OPLAH: variants seen among roughly 807,000 people sequenced by gnomAD.
OPLAH encodes 5-oxoprolinase, ATP-hydrolysing, also known as 5-oxoprolinase.
In OPLAH, 103 loss-of-function variants were observed where a neutral mutation model predicts 122.8. The ratio of observed to expected loss-of-function variants is 0.84; its 90% CI spans 0.71 to 0.99. OPLAH has a LOEUF of 0.99. Ranked by LOEUF, OPLAH falls within the 50% of genes least tolerant of loss-of-function variation. The pLI is 0.00. For synonymous variants in OPLAH, 875 were observed against 796.0 expected (o/e 1.10, Z -1.67); for missense variants, 1,902 against 1,836.5 (o/e 1.04, Z -0.65).
intron 3 of OPLAH, 47 bp downstream of exon 3, chr8:144,059,552 G>A (rs782733621): frequency 6.5e-7 from 1 of 1,543,010 alleles, no homozygotes; most frequent in East Asian, 2.3e-5. Flanking sequence ...GGCATCCCTG[G>A]GGGGTGTACA....
In OPLAH at chr8:144,058,623, G is replaced by T; in HGVS notation, c.656C>A (p.Ser219Tyr). ...RELGFTHVSL[S>Y]SEAMPMVRIV... ...GCGCACCATGGGCATGGCCTCCGAG[G>T]ACAGTGACACGTGCGTGAAGCCCAG... Residue 219 changes from serine (S) to tyrosine (Y), a missense_variant, in exon 6 of 27, where the codon TCC becomes TAC. Physicochemically the swap from Ser to Tyr is moderately radical, Grantham distance 144. Around this residue, in one of 3 missense-constraint regions of OPLAH, gnomAD observed 1,726 missense variants for 1,642.1 expected, o/e 1.05. Coordinates refer to ENST00000618853, the MANE Select transcript of OPLAH (RefSeq NM_017570.5). 6.2e-7 allele frequency: 1 copy of T among 1,603,382 alleles called. No individual in the cohort carries two copies.
At chr8:144,063,779 G>A (rs1309811723), upstream of OPLAH, 8 of 152,488 alleles carry the variant, frequency 5.2e-5, no homozygotes, top group African/African-American at 1.9e-4. This position sits in a 1 kb window ranked among gnomAD's most constrained non-coding sequence, Gnocchi z 4.2. Context: ...GGAACCCGGA[G>A]CTGCAGAAGC....
chr8:144,056,229 G>A lies in OPLAH; in HGVS notation c.2014C>T (p.Gln672Ter). 6.2e-7 allele frequency: 1 copy of A among 1,611,956 alleles called. No homozygotes were observed. Among genetic ancestry groups the A allele is most frequent in the Non-Finnish European group, 8.5e-7 (1 of 1,179,226 alleles). The change falls in exon 15 of 27, where the codon CAG becomes TAG. Residue 672 changes from glutamine (Q) to a stop codon, truncating the protein, a stop_gained. Transcript: ENST00000618853. LOFTEE classifies it high-confidence loss of function. The part of the protein sequence containing the change: ...MTQCYFEGGY[Q>*]ETPVYLLAEL... Reference sequence around the variant, plus strand: ...GCCAGCAGGTACACAGGGGTCTCCTGGTAGCCCCCCTCAAAGTAGCACTGG... The same window carrying A: ...GCCAGCAGGTACACAGGGGTCTCCTAGTAGCCCCCCTCAAAGTAGCACTGG...
At position 144,059,803 on chromosome 8, in the gene OPLAH, T is replaced by G; in HGVS notation, c.172-13A>C. ...GCATGCCGGCCTCCTGGGGACCACG[T>G]GGTCAGTGTGGGGCTTCTGGCCGTG... On this transcript the variant is annotated splice_polypyrimidine_tract_variant and intron_variant, in intron 2 of 26. Transcript: ENST00000618853. The G allele has an allele frequency of 6.2e-7, 1 of 1,609,206 alleles. No homozygotes were observed. The highest frequency in any genetic ancestry group is 1.1e-5 in the South Asian group (1 of 90,984).
chr8:144,053,314 G>A lies in OPLAH; in HGVS notation c.2766C>T (p.Asp922=), dbSNP rs781960043. Residue 922 remains aspartate (D), a synonymous_variant, in exon 20 of 27, where the codon GAC becomes GAT. Coordinates refer to ENST00000618853, the MANE Select transcript of OPLAH (RefSeq NM_017570.5). ...GGTTGGCTGCCACCTGGGCACGGAGGTCCGACAGGTTGTCGTGCAGGTTTC... is the reference window on the plus strand; with the variant it reads ...GGTTGGCTGCCACCTGGGCACGGAGATCCGACAGGTTGTCGTGCAGGTTTC... The part of the protein sequence containing the change: ...GTRNLHDNLS[D]LRAQVAANQK... 1 of 1,612,986 alleles carries A rather than the reference G, an allele frequency of 6.2e-7. No homozygotes were observed. Among genetic ancestry groups the A allele is most frequent in the South Asian group, 1.1e-5 (1 of 91,090 alleles).
downstream of OPLAH, chr8:144,050,478 C>G: frequency 8.1e-6 from 8 of 985,588 alleles, no homozygotes; most frequent in South Asian, 4.7e-5. Flanking sequence ...GAGAGGAGGG[C>G]GAGGAGGGGC....
Position 144,058,262 on chromosome 8 carries a change from G to A in OPLAH, c.926C>T (p.Pro309Leu), listed in dbSNP as rs781795792. The stretch of plus-strand genomic sequence containing the variant: ...ACCTCCCATGTCAAAGCCGATGACA[G>A]GCTGGCCACCCTCCTGCTGGTAGGT... ...ATTYQQEGGQ[P>L]VIGFDMGGTS... The change falls in exon 7 of 27, where the codon CCT (proline) becomes CTT (leucine). Residue 309 changes from proline to leucine, a missense_variant. Pro to Leu is a moderately conservative substitution (Grantham distance 98, BLOSUM62 -3). Coordinates refer to ENST00000618853, the MANE Select transcript of OPLAH (RefSeq NM_017570.5). 6.2e-7 allele frequency: 1 copy of A among 1,610,670 alleles called. No individual in the cohort carries two copies. The highest frequency in any genetic ancestry group is 1.1e-5 in the South Asian group (1 of 91,008).
Position 144,053,068 on chromosome 8 carries a change from C to CG in OPLAH, c.2932dup (p.Arg978ProfsTer35). On this transcript the variant is annotated frameshift_variant, in exon 21 of 27. Coordinates refer to ENST00000618853, the MANE Select transcript of OPLAH (RefSeq NM_017570.5). LOFTEE classifies it high-confidence loss of function. ...CGAGGACACCTCCAGGGGCAGGCCCCGGGCCTGCCGGGAGGTTCCAAAGGC... is the reference window on the plus strand; with the variant it reads ...CGAGGACACCTCCAGGGGCAGGCCCCGGGGCCTGCCGGGAGGTTCCAAAGGC... 1 of 1,600,676 alleles carries CG rather than the reference C, an allele frequency of 6.2e-7. No individual in the cohort carries two copies.
At chr8:144,054,952 G>A in intron 17 of OPLAH, 39 bp from the exon 18 acceptor site, 1 of 1,281,122 alleles carries the variant, frequency 7.8e-7, no homozygotes, top group Non-Finnish European at 1.0e-6. Context: ...GCACAGGGGA[G>A]CAGGGGCCAG....
At position 144,051,912 on chromosome 8, in the gene OPLAH, G is replaced by T; in HGVS notation, c.3622+4C>A. The T allele has an allele frequency of 1.3e-6, 2 of 1,531,554 alleles. No homozygotes were observed. Among genetic ancestry groups the T allele is most frequent in the South Asian group, 2.4e-5 (2 of 83,918 alleles). The allele number at this position is 1,531,554 out of a possible 1,614,324, so 94.9% of individuals were successfully genotyped here. Reference sequence around the variant, plus strand: ...AGGGCCGCGAGGGCTGGGGAACCGCGCACCGTGGAGCCCGTATGGCCGGAA... The same window carrying T: ...AGGGCCGCGAGGGCTGGGGAACCGCTCACCGTGGAGCCCGTATGGCCGGAA... On this transcript the variant is annotated splice_donor_region_variant and intron_variant, in intron 25 of 26. Coordinates refer to ENST00000618853, the MANE Select transcript of OPLAH (RefSeq NM_017570.5).
At position 144,051,944 on chromosome 8, in the gene OPLAH, G is replaced by C. The variant is rs1381104181; in HGVS notation, c.3594C>G (p.Arg1198=). The C allele has an allele frequency of 1.3e-6, 2 of 1,548,120 alleles. No homozygotes were observed. The highest frequency in any genetic ancestry group is 2.7e-5 in the African/African-American group (2 of 73,508). Residue 1198 remains arginine, a synonymous_variant, in exon 25 of 27, where the codon CGC becomes CGG. Transcript: ENST00000618853. ...EEALLSVLTE[R]RAFRPYGLHG... is the part of the protein sequence containing the mutation. ...GGAGCCCGTATGGCCGGAAGGCGCG[G>C]CGCTCGGTCAGCACTGACAGCAGCG...
At chr8:144,052,736 G>A in intron 22 of OPLAH, 30 bp downstream of exon 22, 2 of 1,556,746 alleles carry the variant, frequency 1.3e-6, no homozygotes, top group Non-Finnish European at 1.7e-6. Context: ...TCGGGCTGGG[G>A]CCCCCCCTCG....
In OPLAH at chr8:144,058,966, G is replaced by C; in HGVS notation, c.463+14C>G. 1 of 1,559,802 alleles carries C rather than the reference G, an allele frequency of 6.4e-7. No individual in the cohort carries two copies. The highest frequency in any genetic ancestry group is 2.4e-5 in the East Asian group (1 of 41,382). ...CTCCGGCCCCAAATCCCACAGCAGCGGCGGCACACACACCTTTCACAGGCG... is the reference window on the plus strand; with the variant it reads ...CTCCGGCCCCAAATCCCACAGCAGCCGCGGCACACACACCTTTCACAGGCG... On this transcript the variant is annotated intron_variant, in intron 4 of 26. Transcript: ENST00000618853.
intron 23 of OPLAH, 33 bp downstream of exon 23, chr8:144,052,416 C>T (rs1183100142): frequency 1.3e-6 from 2 of 1,529,110 alleles, no homozygotes; most frequent in East Asian, 4.9e-5. Context: ...CCACCCAGTC[C>T]GCCCCCGAGC....
intron 26 of OPLAH, 24 bp from the exon 27 acceptor site, chr8:144,051,496 G>GA (rs1835375449): frequency 8.0e-7 from 1 of 1,250,140 alleles, no homozygotes; most frequent in African/African-American, 1.9e-5. Context: ...GGGGGGCGGG[G>GA]AGGCGGGCTC....
At position 144,055,572 on chromosome 8, in the gene OPLAH, T is replaced by C. The variant is rs1554758770; in HGVS notation, c.2248+216A>G. Among the ~76,000 whole-genome samples the C allele has an allele frequency of 6.6e-6, 1 of 152,088 alleles. No homozygotes were observed. The highest frequency in any genetic ancestry group is 1.9e-4 in the East Asian group (1 of 5,184). On this transcript the variant is annotated intron_variant, in intron 16 of 26. Coordinates refer to ENST00000618853, the MANE Select transcript of OPLAH (RefSeq NM_017570.5). This position sits in a 1 kb window ranked among gnomAD's most constrained non-coding sequence, Gnocchi z 6.5. ...CCCTTCCTTAGCTAGGAGGGCACTC[T>C]CTGGATCACATGGCTGCAGGTAAGG...
chr8:144,059,528 C>T (rs1346970342), intron 3 of OPLAH, 71 bp downstream of exon 3: 10 of 1,476,124 alleles, frequency 6.8e-6, no homozygotes, highest in Non-Finnish European at 9.2e-6. Context: ...CAACTGCTCT[C>T]CCCACAGGGT....
chr8:144,063,497 C>G (rs1468844105), upstream of OPLAH, among the ~76,000 whole-genome samples: 1 of 152,226 alleles, frequency 6.6e-6, no homozygotes, highest in Non-Finnish European at 1.5e-5. This position sits in a 1 kb window ranked among gnomAD's most constrained non-coding sequence, Gnocchi z 4.2. Flanking sequence ...AGGCTGTTCC[C>G]TGGGCCTGGA....
chr8:144,058,283 T>C lies in OPLAH; in HGVS notation c.905A>G (p.Tyr302Cys), dbSNP rs782205791. ...GGVVGYSATTYQQEGGQPVIG... is the reference protein window; with the variant it reads ...GGVVGYSATTCQQEGGQPVIG... The stretch of plus-strand genomic sequence containing the variant: ...GACAGGCTGGCCACCCTCCTGCTGG[T>C]AGGTGGTGGCTGAGTAGCCCACCAC... The change falls in exon 7 of 27, where the codon TAC becomes TGC. Residue 302 changes from tyrosine (Y) to cysteine (C), a missense_variant. By Grantham distance (194) the Tyr-to-Cys change is radical (BLOSUM62 -2). This residue lies in a region of OPLAH where 1,726 missense variants were observed against 1,642.1 expected (regional missense o/e 1.05). Transcript: ENST00000618853. 9.9e-6 allele frequency: 16 copies of C among 1,610,492 alleles called. No individual in the cohort carries two copies. In the South Asian group the frequency reaches 1.8e-4, roughly 18 times the overall value.
Sources: gnomAD v4.1 joint callset for allele counts (sites outside exome capture counted in the v4.1 genomes callset) on GRCh38, gnomAD v4.1.1 for gene constraint, gnomAD v4.1.1 regional missense constraint, Gnocchi (gnomAD v3.1) non-coding constraint, MANE v1.5 for transcripts, NCBI Gene and HGNC (gene_info 2026-07-23, HGNC 2026-07-21) for gene names.